Variants in PTPRT observed in about 807,000 individuals in gnomAD.
The protein encoded by PTPRT is protein tyrosine phosphatase receptor type T.
Under a neutral mutation model 176.8 loss-of-function variants are expected in PTPRT, and 56 were observed. The observed-to-expected ratio is 0.32, with a 90% confidence interval of 0.26 to 0.40. The LOEUF is 0.40. Among genes scored for constraint, PTPRT ranks in the 10% least tolerant of loss-of-function variants. PTPRT has a pLI of 1.00. For missense variants in PTPRT, 1,540 were observed against 1,908.2 expected, an observed-to-expected ratio of 0.81 and a Z score of 3.60; for synonymous variants, 783 against 739.0, an observed-to-expected ratio of 1.06 and a Z score of -0.96.
At chr20:42,762,665 A>G (rs1273791342) in intron 5 of PTPRT, among the ~76,000 whole-genome samples, 1 of 152,222 alleles carries the variant, frequency 6.6e-6, no homozygotes, top group East Asian at 1.9e-4. Flanking sequence ...GCTTTGCCCA[A>G]GGGCTCTATC....
rs182694345 is a variant in PTPRT at position 42,276,434 on chromosome 20, T to C, written c.2176+6055A>G. ...GAGAACTGAGAGAGAGGATCTGTGC[T>C]TAGTAGGTCTGGGTCTCCAAGTCCC... On this transcript the variant is annotated intron_variant, in intron 13 of 30. Coordinates refer to ENST00000373187, the MANE Select transcript of PTPRT (RefSeq NM_007050.6). Among the ~76,000 whole-genome samples the C allele has an allele frequency of 2.9e-5, 4 of 138,150 alleles. No individual in the cohort carries two copies. The East Asian group carries it at 8.6e-4, about 30-fold the overall frequency. The allele number at this position is 138,150 out of a possible 152,430, so 90.6% of individuals were successfully genotyped here. A position where few individuals can be genotyped will look rare whatever the true frequency, so the allele number is the denominator to read the frequency against.
chr20:42,840,724 T>C lies in PTPRT; in HGVS notation c.214+45083A>G, dbSNP rs566896066. Among the ~76,000 whole-genome samples, 3 of 152,240 alleles carry C rather than the reference T, an allele frequency of 2.0e-5. No individual in the cohort carries two copies. The South Asian group carries it at 6.2e-4, about 32-fold the overall frequency. The stretch of plus-strand genomic sequence containing the variant: ...CACCATGTCCAGCCATCACATCTTT[T>C]TTAGAGAGACACAATTCAACTCACA... On this transcript the variant is annotated intron_variant, in intron 2 of 30. Transcript: ENST00000373187.
chr20:42,902,148 A>G (rs2079413596), intron 1 of PTPRT, among the ~76,000 whole-genome samples: 1 of 152,232 alleles, frequency 6.6e-6, no homozygotes, highest in South Asian at 2.1e-4. Flanking sequence ...CTACCACTAC[A>G]GGAACATCTG....
At chr20:42,391,193 G>A (rs952075587) in intron 9 of PTPRT, among the ~76,000 whole-genome samples, 11 of 152,140 alleles carry the variant, frequency 7.2e-5, no homozygotes, top group African/African-American at 2.7e-4. Context: ...TTCATTGTGA[G>A]TTCTGGGCTT....
At chr20:43,134,141 C>A (rs952145792) in intron 1 of PTPRT, among the ~76,000 whole-genome samples, 4 of 152,066 alleles carry the variant, frequency 2.6e-5, no homozygotes, top group African/African-American at 9.7e-5. Flanking sequence ...ATCTACAGAA[C>A]AAATAACCCA....
At chr20:42,632,851 T>C (rs941271278) in intron 7 of PTPRT, among the ~76,000 whole-genome samples, 4 of 152,056 alleles carry the variant, frequency 2.6e-5, no homozygotes, top group African/African-American at 9.7e-5. Flanking sequence ...CTGCTAGCTG[T>C]AGTCTCAGCA....
chr20:43,140,544 T>C (rs2013974118), intron 1 of PTPRT, among the ~76,000 whole-genome samples: 1 of 151,922 alleles, frequency 6.6e-6, no homozygotes, highest in Admixed American at 6.6e-5. Flanking sequence ...GCATGTAGTG[T>C]AAAGTGGTTT....
intron 5 of PTPRT, among the ~76,000 whole-genome samples, chr20:42,770,958 A>G (rs1277987130): frequency 6.6e-6 from 1 of 152,220 alleles, no homozygotes; most frequent in African/African-American, 2.4e-5. Flanking sequence ...GGGCACCATC[A>G]GAGGAACAGA....
chr20:43,037,191 A>G lies in PTPRT; in HGVS notation c.89-151259T>C, dbSNP rs146340230. ...CTTTAGCTCCCTGTAAAGGAGAAAGATAAGTAATTGCATTTATGGCGTGTT... is the reference window on the plus strand; with the variant it reads ...CTTTAGCTCCCTGTAAAGGAGAAAGGTAAGTAATTGCATTTATGGCGTGTT... On this transcript the variant is annotated intron_variant, in intron 1 of 30. Coordinates refer to ENST00000373187, the MANE Select transcript of PTPRT (RefSeq NM_007050.6). Among the ~76,000 whole-genome samples the G allele has an allele frequency of 7.0e-4, 107 of 152,366 alleles. 1 individual carries two copies. In the East Asian group the frequency reaches 0.016, roughly 23 times the overall value.
At chr20:42,641,476 T>A (rs551599881) in intron 7 of PTPRT, among the ~76,000 whole-genome samples, 31 of 152,178 alleles carry the variant, frequency 2.0e-4, no homozygotes, top group African/African-American at 7.5e-4. Flanking sequence ...CGCCTGAAAA[T>A]CATTTACAGA....
chr20:42,319,445 T>G (rs1237503332), intron 11 of PTPRT, among the ~76,000 whole-genome samples: 1 of 152,252 alleles, frequency 6.6e-6, no homozygotes, highest in South Asian at 2.1e-4. Flanking sequence ...GCAGTCAACA[T>G]ATGGTTCACA....
intron 16 of PTPRT, among the ~76,000 whole-genome samples, 170 bp from the exon 17 acceptor site, chr20:42,161,712 G>T (rs1353023912): frequency 6.6e-6 from 1 of 152,204 alleles, no homozygotes; most frequent in Non-Finnish European, 1.5e-5. Flanking sequence ...GCCTGGCTGT[G>T]TTGGTAGATC....
the PTPRT span, among the ~76,000 whole-genome samples, chr20:42,044,675 T>C: frequency 6.6e-6 from 1 of 152,228 alleles, no homozygotes; most frequent in East Asian, 1.9e-4. Context: ...AAGTACTTTA[T>C]CTGTAAGAAC....
At chr20:42,554,259 C>T (rs1403266801) in intron 7 of PTPRT, among the ~76,000 whole-genome samples, 2 of 151,886 alleles carry the variant, frequency 1.3e-5, no homozygotes, top group African/African-American at 4.8e-5. Flanking sequence ...TTTGTGTATC[C>T]AAAAAGCACT....
chr20:42,337,057 G>A (rs1246599096), intron 11 of PTPRT, among the ~76,000 whole-genome samples: 1 of 152,052 alleles, frequency 6.6e-6, no homozygotes, highest in Non-Finnish European at 1.5e-5. Context: ...TTTGAGCTGT[G>A]GCATGGTCTT....
intron 1 of PTPRT, among the ~76,000 whole-genome samples, chr20:43,014,296 A>G (rs545633366): frequency 6.6e-6 from 1 of 152,316 alleles, no homozygotes; most frequent in South Asian, 2.1e-4. Flanking sequence ...CTACACTTCC[A>G]GCTCATTTGG....
intron 6 of PTPRT, among the ~76,000 whole-genome samples, chr20:42,727,548 T>G (rs900634330): frequency 6.6e-6 from 1 of 152,204 alleles, no homozygotes; most frequent in African/African-American, 2.4e-5. Flanking sequence ...TGTATGTGTG[T>G]GTGTCCGTGA....
chr20:43,134,607 CA>C (rs1204664602), intron 1 of PTPRT, among the ~76,000 whole-genome samples: 3 of 152,232 alleles, frequency 2.0e-5, no homozygotes, highest in Non-Finnish European at 2.9e-5. Context: ...TCCCCAACTG[CA>C]AGACCCCATT....
rs377748972 is a variant in PTPRT, at chr20:42,132,795, ATATC to A, written c.2771-3969_2771-3966del. Among the ~76,000 whole-genome samples, 21 of 152,288 alleles carry A rather than the reference ATATC, an allele frequency of 1.4e-4. No homozygotes were observed. The East Asian group carries it at 2.7e-3, about 20-fold the overall frequency. The stretch of plus-strand genomic sequence containing the variant: ...AGACTAAACATACACTTACCATACT[ATATC>A]TAGCAATTGTACTTCTTGGTATTTA... On this transcript the variant is annotated intron_variant, in intron 18 of 30. Transcript: ENST00000373187.
Sources: allele counts gnomAD v4.1 joint callset (sites outside exome capture counted in the v4.1 genomes callset), GRCh38; gene constraint gnomAD v4.1.1; transcripts MANE v1.5; gene names NCBI Gene and HGNC (gene_info 2026-07-23, HGNC 2026-07-21).